JAKMIP3: variants seen among roughly 807,000 people sequenced by gnomAD.
The protein encoded by JAKMIP3 is Janus kinase and microtubule interacting protein 3, also known as janus kinase and microtubule-interacting protein 3.
In JAKMIP3, 58 loss-of-function variants were observed where a neutral mutation model predicts 118.5. The ratio of observed to expected loss-of-function variants is 0.49; its 90% CI spans 0.40 to 0.61. JAKMIP3 has a LOEUF of 0.61. Ranked by LOEUF, JAKMIP3 falls within the 20% of genes least tolerant of loss-of-function variation. The probability of loss-of-function intolerance (pLI) is 0.00; values close to 1 mark genes in which losing one functional copy is unlikely to be tolerated. For synonymous variants in JAKMIP3, 486 were observed against 451.2 expected, an observed-to-expected ratio of 1.08 and a Z score of -0.98; for missense variants, 950 against 1,109.0, an observed-to-expected ratio of 0.86 and a Z score of 2.04.
chr10:132,153,888 G>C, intron 18 of JAKMIP3, 25 bp from the exon 19 acceptor site: 2 of 1,612,870 alleles, frequency 1.2e-6, no homozygotes, highest in Non-Finnish European at 1.7e-6. Context: ...ATCCGAGACC[G>C]AGGCATGGCC....
At chr10:132,177,239 T>C (rs2060223724) in intron 23 of JAKMIP3, among the ~76,000 whole-genome samples, 1 of 152,248 alleles carries the variant, frequency 6.6e-6, no homozygotes, top group Non-Finnish European at 1.5e-5. Flanking sequence ...GGGGATGTCA[T>C]TATTAGAGAA....
rs1173922396 is a variant in JAKMIP3 at position 132,152,957 on chromosome 10, G to T, written c.2008-1G>T. The T allele has an allele frequency of 6.2e-7, 1 of 1,603,976 alleles. No individual in the cohort carries two copies. Among genetic ancestry groups the T allele is most frequent in the Non-Finnish European group, 8.5e-7 (1 of 1,175,742 alleles). On this transcript the variant is annotated splice_acceptor_variant, in intron 16 of 23. Coordinates refer to ENST00000684848, the MANE Select transcript of JAKMIP3 (RefSeq NM_001323087.2). LOFTEE classifies it high-confidence loss of function. ...CACCTGTGTTCTGCTTTTGGGTGCAGAACCTGACCAATGAGGAGCAGGTGG... is the reference window on the plus strand; with the variant it reads ...CACCTGTGTTCTGCTTTTGGGTGCATAACCTGACCAATGAGGAGCAGGTGG...
At chr10:132,087,854 C>G (rs2042592840) in intron 1 of JAKMIP3, among the ~76,000 whole-genome samples, 1 of 152,032 alleles carries the variant, frequency 6.6e-6, no homozygotes, top group Non-Finnish European at 1.5e-5. Context: ...CTATCCCTCC[C>G]CACTCCCCGC....
Position 132,150,043 on chromosome 10 carries a change from T to A in JAKMIP3, c.2007+2T>A, listed in dbSNP as rs201631536. On this transcript the variant is annotated splice_donor_variant, in intron 16 of 23. Transcript: ENST00000684848. LOFTEE classifies it high-confidence loss of function. The stretch of plus-strand genomic sequence containing the variant: ...ATCCTGGGCGATAACGCCGTAAGTG[T>A]ATGTCGCTCTCCTGGCTTGTGCATG... 1.1e-5 allele frequency: 18 copies of A among 1,595,646 alleles called. No individual in the cohort carries two copies. Among genetic ancestry groups the A allele is most frequent in the African/African-American group, 2.7e-5 (2 of 72,786 alleles).
chr10:132,064,732 G>A (rs2038574263), upstream of JAKMIP3, among the ~76,000 whole-genome samples: 1 of 152,182 alleles, frequency 6.6e-6, no homozygotes, highest in South Asian at 2.1e-4. This position sits in a 1 kb window ranked among gnomAD's most constrained non-coding sequence, Gnocchi z 4.4. Context: ...GTTTTAATCA[G>A]GACAATTTTT....
rs777909066 is a variant in JAKMIP3, at chr10:132,180,634, CGTGCGTGT to C, written c.*1104-1713_*1104-1706del. On this transcript the variant is annotated intron_variant, in intron 23 of 23. Coordinates refer to ENST00000684848, the MANE Select transcript of JAKMIP3 (RefSeq NM_001323087.2). ...GTGTGTGCGTGTGTGTGCGTGTGTGCGTGCGTGTGTGCGTGTGCGTGTGCGTGTGTGCG... is the reference window on the plus strand; with the variant it reads ...GTGTGTGCGTGTGTGTGCGTGTGTGCGTGCGTGTGCGTGTGCGTGTGTGCG... 3.7e-3 allele frequency among the ~76,000 whole-genome samples: 48 copies of C among 12,820 alleles called. 19 individuals carry two copies. The highest frequency in any genetic ancestry group is 7.2e-3 in the Admixed American group (9 of 1,258). The allele number at this position is 12,820 out of a possible 152,430, so 8.4% of individuals were successfully genotyped here. A position where few individuals can be genotyped will look rare whatever the true frequency, so the allele number is the denominator to read the frequency against.
chr10:132,114,270 C>T (rs1033437928), intron 2 of JAKMIP3, among the ~76,000 whole-genome samples: 4 of 152,262 alleles, frequency 2.6e-5, no homozygotes, highest in African/African-American at 9.6e-5. Flanking sequence ...GGCTATAGTG[C>T]AGTGGTGCGA....
intron 16 of JAKMIP3, among the ~76,000 whole-genome samples, chr10:132,150,566 AATGCACCATCT>A (rs1001753495): frequency 6.6e-6 from 1 of 152,080 alleles, no homozygotes; most frequent in African/African-American, 2.4e-5. Context: ...ATTCCCCATC[AATGCACCATCT>A]ACCTAGCCCT....
chr10:132,126,777 A>G (rs1270248057), intron 3 of JAKMIP3, among the ~76,000 whole-genome samples: 2 of 152,162 alleles, frequency 1.3e-5, no homozygotes, highest in Non-Finnish European at 2.9e-5. Context: ...TGTTGATGAG[A>G]TGACACGTTA....
intron 8 of JAKMIP3, 119 bp downstream of exon 8, chr10:132,137,408 G>T: frequency 1.5e-6 from 2 of 1,304,698 alleles, no homozygotes; most frequent in South Asian, 2.6e-5. Context: ...GCAGCCTTTC[G>T]GGTGGATTTT....
intron 1 of JAKMIP3, among the ~76,000 whole-genome samples, chr10:132,103,266 C>A (rs2045298598): frequency 6.6e-6 from 1 of 151,598 alleles, no homozygotes; most frequent in African/African-American, 2.4e-5. Context: ...GCCCAATGGA[C>A]CTGTTAGGAG....
At chr10:132,136,852 C>A (rs1348973597) in intron 6 of JAKMIP3, among the ~76,000 whole-genome samples, 167 bp from the exon 7 acceptor site, 1 of 152,172 alleles carries the variant, frequency 6.6e-6, no homozygotes, top group African/African-American at 2.4e-5. Flanking sequence ...GCCTCATTTC[C>A]CCAGGGACTC....
At chr10:132,136,188 A>C in intron 6 of JAKMIP3, 112 bp downstream of exon 6, 1 of 1,166,554 alleles carries the variant, frequency 8.6e-7, no homozygotes, top group African/African-American at 1.5e-5. Context: ...GCGGGTGGCC[A>C]GGCCTTCTGC....
chr10:132,163,441 G>T (rs766512156), intron 20 of JAKMIP3, 29 bp downstream of exon 20: 1 of 1,562,568 alleles, frequency 6.4e-7, no homozygotes, highest in East Asian at 2.3e-5. Context: ...CAGGGCTGGC[G>T]TGAAGACCTG....
chr10:132,151,609 CTGAT>C (rs376955103), intron 16 of JAKMIP3, among the ~76,000 whole-genome samples: 372 of 152,342 alleles, frequency 2.4e-3, no homozygotes, highest in African/African-American at 8.6e-3. Context: ...TTGGGCAACT[CTGAT>C]TCACAGTTGG....
chr10:132,063,082 C>T (rs763760646), upstream of JAKMIP3, among the ~76,000 whole-genome samples: 1 of 152,142 alleles, frequency 6.6e-6, no homozygotes, highest in Non-Finnish European at 1.5e-5. Context: ...AGCGATGGAG[C>T]AGCAGAGCCC....
intron 14 of JAKMIP3, among the ~76,000 whole-genome samples, chr10:132,148,802 C>T (rs1037170309): frequency 6.6e-6 from 1 of 152,208 alleles, no homozygotes; most frequent in Non-Finnish European, 1.5e-5. Context: ...ACCTGTGGGG[C>T]TGGGAGGAAG....
chr10:132,166,682 C>CGGGAG (rs1554958212), intron 21 of JAKMIP3, among the ~76,000 whole-genome samples: 1 of 152,182 alleles, frequency 6.6e-6, no homozygotes, highest in Non-Finnish European at 1.5e-5. Flanking sequence ...ACCCAGTCCC[C>CGGGAG]GGGAGGCTGG....
At chr10:132,172,620 G>A (rs2059608378) in intron 23 of JAKMIP3, among the ~76,000 whole-genome samples, 1 of 151,838 alleles carries the variant, frequency 6.6e-6, no homozygotes, top group Non-Finnish European at 1.5e-5. Context: ...CGTTCAGTCT[G>A]TCCCTGGGTC....
Sources: gnomAD v4.1 joint callset for allele counts (sites outside exome capture counted in the v4.1 genomes callset) on GRCh38, gnomAD v4.1.1 for gene constraint, Gnocchi (gnomAD v3.1) non-coding constraint, MANE v1.5 for transcripts, NCBI Gene and HGNC (gene_info 2026-07-23, HGNC 2026-07-21) for gene names.